TRIM31: variants seen among roughly 807,000 people sequenced by gnomAD.
The protein encoded by TRIM31 is E3 ubiquitin-protein ligase TRIM31.
In TRIM31, 31 loss-of-function variants were observed where a neutral mutation model predicts 40.6. The ratio of observed to expected loss-of-function variants is 0.76; its 90% CI spans 0.57 to 1.03. The LOEUF (loss-of-function observed/expected upper bound fraction) is 1.03, where lower values mean the gene tolerates loss of function less well. Ranked by LOEUF, TRIM31 falls within the 50% of genes least tolerant of loss-of-function variation. The probability of loss-of-function intolerance (pLI) is 0.00; values close to 1 mark genes in which losing one functional copy is unlikely to be tolerated. For missense variants in TRIM31, 455 were observed against 497.5 expected (o/e 0.91, Z 0.81); for synonymous variants, 164 against 193.9 (o/e 0.85, Z 1.28).
rs954852838 is a variant in TRIM31 at position 30,103,430 on chromosome 6, A to G, written c.*106T>C. On this transcript the variant is annotated 3_prime_UTR_variant, in exon 9 of 9. Transcript: ENST00000376734. ...TCCCATTCTCCACTCCTTCGACCCA[A>G]TTCCACTAAGTCAAGAACCGTGGTC... The G allele has an allele frequency of 1.1e-5, 17 of 1,529,156 alleles. No homozygotes were observed. Among genetic ancestry groups the G allele is most frequent in the Admixed American group, 5.5e-5 (3 of 54,608 alleles). 94.7% of individuals were successfully genotyped at this position (1,529,156 alleles called of 1,614,324 possible).
intron 7 of TRIM31, 120 bp from the exon 8 acceptor site, chr6:30,104,287 T>C (rs542569429): frequency 2.1e-6 from 2 of 933,802 alleles, no homozygotes; most frequent in South Asian, 2.9e-5. Flanking sequence ...GTGGGACCCA[T>C]TCCCCACCCA....
In TRIM31 at chr6:30,111,781, A is replaced by T. The variant is rs758394366; in HGVS notation, c.418-38T>A. ...GGCCGTTTGGACAGGCTGTGCCTGG[A>T]GATTTCTGGCCTCATAAAATCCTCC... On this transcript the variant is annotated intron_variant, in intron 2 of 8. Coordinates refer to ENST00000376734, the MANE Select transcript of TRIM31 (RefSeq NM_007028.5). The T allele has an allele frequency of 3.1e-6, 5 of 1,602,400 alleles. No individual in the cohort carries two copies. The South Asian group carries it at 5.5e-5, about 18-fold the overall frequency.
rs749818823 is a variant in TRIM31, at chr6:30,110,432, C to A, written c.744+16G>T. The A allele has an allele frequency of 4.3e-6, 7 of 1,612,258 alleles. No homozygotes were observed. The African/African-American group carries it at 8.0e-5, about 18-fold the overall frequency. Reference sequence around the variant, plus strand: ...GGGCTGCTACCTCTCTGCAATTCTGCCCCCAAGGGACTCACCTCCAGCAGC... The same window carrying A: ...GGGCTGCTACCTCTCTGCAATTCTGACCCCAAGGGACTCACCTCCAGCAGC... On this transcript the variant is annotated intron_variant, in intron 4 of 8. Transcript: ENST00000376734.
chr6:30,109,068 A>G lies in TRIM31; in HGVS notation c.745-20T>C. On this transcript the variant is annotated intron_variant, in intron 4 of 8. Coordinates refer to ENST00000376734, the MANE Select transcript of TRIM31 (RefSeq NM_007028.5). ...GATATCCTAGAAGAGAAAGAGAAAC[A>G]GCACAGCCTCAGCACTTGGCTGATT... 6.2e-7 allele frequency: 1 copy of G among 1,612,954 alleles called. No homozygotes were observed. Among genetic ancestry groups the G allele is most frequent in the African/African-American group, 1.3e-5 (1 of 75,048 alleles).
Position 30,110,658 on chromosome 6 carries a change from C to T in TRIM31, c.534G>A (p.Lys178=), listed in dbSNP as rs1256667373. ...GTTCAAATTCTGTGAGGATCCTTTG[C>T]TTCTCATGTTCTACCTGGTCCTAAG... ...DVFTDQVEHE[K]QRILTEFELL... The change falls in exon 4 of 9, where the codon AAG becomes AAA. Residue 178 remains lysine (K), a synonymous_variant. Coordinates refer to ENST00000376734, the MANE Select transcript of TRIM31 (RefSeq NM_007028.5). The T allele has an allele frequency of 6.2e-7, 1 of 1,614,228 alleles. No individual in the cohort carries two copies. The highest frequency in any genetic ancestry group is 8.5e-7 in the Non-Finnish European group (1 of 1,180,026).
Position 30,103,412 on chromosome 6 carries a change from C to T in TRIM31, c.*124G>A. Reference sequence around the variant, plus strand: ...TCTCAGTAGCCCGAGCCCTCCCATTCTCCACTCCTTCGACCCAATTCCACT... The same window carrying T: ...TCTCAGTAGCCCGAGCCCTCCCATTTTCCACTCCTTCGACCCAATTCCACT... On this transcript the variant is annotated 3_prime_UTR_variant, in exon 9 of 9. Coordinates refer to ENST00000376734, the MANE Select transcript of TRIM31 (RefSeq NM_007028.5). The T allele has an allele frequency of 7.4e-7, 1 of 1,353,870 alleles. No homozygotes were observed. The highest frequency in any genetic ancestry group is 1.0e-6 in the Non-Finnish European group (1 of 987,280). 83.9% of individuals were successfully genotyped at this position (1,353,870 alleles called of 1,614,324 possible). A position where few individuals can be genotyped will look rare whatever the true frequency, so the allele number is the denominator to read the frequency against.
Position 30,103,663 on chromosome 6 carries a change from GA to G in TRIM31, c.1150del (p.Ser384LeufsTer25), listed in dbSNP as rs770237888. ...VCLLASYDEI[S>X]GQGASSQDTK... is the part of the protein sequence containing the mutation. ...ATCCTGAGAGCTCGCTCCTTGACCA[GA>G]AATCTCATCATAAGAGGCCAGGAGA... On this transcript the variant is annotated frameshift_variant, in exon 9 of 9. Coordinates refer to ENST00000376734, the MANE Select transcript of TRIM31 (RefSeq NM_007028.5). LOFTEE classifies it low-confidence loss of function (END_TRUNC). 5 of 1,612,900 alleles carry G rather than the reference GA, an allele frequency of 3.1e-6. No homozygotes were observed. The African/African-American group carries it at 6.7e-5, about 22-fold the overall frequency.
At chr6:30,110,714 G>A (rs1194433063) in intron 3 of TRIM31, 36 bp from the exon 4 acceptor site, 1 of 1,592,852 alleles carries the variant, frequency 6.3e-7, no homozygotes, top group South Asian at 1.1e-5. Context: ...TGAGAGGATG[G>A]CCTCGAAGGT....
rs778601370 is a variant in TRIM31, at chr6:30,112,623, C to A, written c.183G>T (p.Arg61Ser). 6.2e-7 allele frequency: 1 copy of A among 1,613,102 alleles called. No individual in the cohort carries two copies. The highest frequency in any genetic ancestry group is 8.5e-7 in the Non-Finnish European group (1 of 1,180,050). The change falls in exon 2 of 9, where the codon AGG (arginine) becomes AGT (serine). Residue 61 changes from arginine to serine, a missense_variant. Transcript: ENST00000376734. ...FKCPLCKTSVRKNAIRFNSLL... is the reference protein window; with the variant it reads ...FKCPLCKTSVSKNAIRFNSLL... Reference sequence around the variant, plus strand: ...GCGAGTTGAACCTGATTGCGTTCTTCCTTACGGAAGTTTTGCAGAGGGGAC... The same window carrying A: ...GCGAGTTGAACCTGATTGCGTTCTTACTTACGGAAGTTTTGCAGAGGGGAC...
chr6:30,112,619 T>A lies in TRIM31; in HGVS notation c.187A>T (p.Asn63Tyr). The A allele has an allele frequency of 6.2e-7, 1 of 1,613,138 alleles. No individual in the cohort carries two copies. Among genetic ancestry groups the A allele is most frequent in the Non-Finnish European group, 8.5e-7 (1 of 1,180,046 alleles). ...AACAGCGAGTTGAACCTGATTGCGT[T>A]CTTCCTTACGGAAGTTTTGCAGAGG... Reference protein sequence around the residue: ...CPLCKTSVRKNAIRFNSLLRN... With the variant: ...CPLCKTSVRKYAIRFNSLLRN... Residue 63 changes from asparagine to tyrosine, a missense_variant, in exon 2 of 9, where the codon AAC becomes TAC. By Grantham distance (143) the Asn-to-Tyr change is moderately radical. Coordinates refer to ENST00000376734, the MANE Select transcript of TRIM31 (RefSeq NM_007028.5).
At chr6:30,108,259 A>C (rs2127386904) in intron 5 of TRIM31, 91 bp from the exon 6 acceptor site, 4 of 898,658 alleles carry the variant, frequency 4.5e-6, no homozygotes, top group South Asian at 2.8e-5. Context: ...AAATGAGGGG[A>C]TGAAGACCTG....
chr6:30,104,215 T>G, intron 7 of TRIM31, 48 bp from the exon 8 acceptor site: 1 of 1,596,926 alleles, frequency 6.3e-7, no homozygotes, highest in Non-Finnish European at 8.6e-7. Flanking sequence ...AACCAGAAGC[T>G]GCAAATTAAA....
chr6:30,105,323 A>T lies in TRIM31; in HGVS notation c.884-81T>A, dbSNP rs569982476. The T allele has an allele frequency of 4.7e-6, 5 of 1,055,342 alleles. No homozygotes were observed. The South Asian group carries it at 6.9e-5, about 15-fold the overall frequency. 65.4% of individuals were successfully genotyped at this position (1,055,342 alleles called of 1,614,324 possible). A position where few individuals can be genotyped will look rare whatever the true frequency, so the allele number is the denominator to read the frequency against. ...ACTCACTATCACACAGCAAGGCACT[A>T]ATTTGAAATGCCTGGGAGAAGTAGA... On this transcript the variant is annotated intron_variant, in intron 6 of 8. Coordinates refer to ENST00000376734, the MANE Select transcript of TRIM31 (RefSeq NM_007028.5).
chr6:30,104,055 A>T, intron 8 of TRIM31, 47 bp downstream of exon 8: 4 of 1,582,966 alleles, frequency 2.5e-6, no homozygotes, highest in South Asian at 2.3e-5. Flanking sequence ...CATTTTGACC[A>T]CCTGTAGACT....
At chr6:30,108,352 A>T (rs1768937547) in intron 5 of TRIM31, among the ~76,000 whole-genome samples, 184 bp from the exon 6 acceptor site, 1 of 152,094 alleles carries the variant, frequency 6.6e-6, no homozygotes. Flanking sequence ...TGAGGTCAGG[A>T]GTTCAAGACT....
At chr6:30,110,922 C>T (rs1218924612) in intron 3 of TRIM31, among the ~76,000 whole-genome samples, 3 of 152,074 alleles carry the variant, frequency 2.0e-5, no homozygotes, top group Admixed American at 2.0e-4. Context: ...CTGTCTAATA[C>T]AATTCCAGAA....
chr6:30,103,396 C>T lies in TRIM31; in HGVS notation c.*140G>A. 2 of 1,275,154 alleles carry T rather than the reference C, an allele frequency of 1.6e-6. No homozygotes were observed. Among genetic ancestry groups the T allele is most frequent in the South Asian group, 1.4e-5 (1 of 71,790 alleles). The allele number at this position is 1,275,154 out of a possible 1,614,324, so 79.0% of individuals were successfully genotyped here. A position where few individuals can be genotyped will look rare whatever the true frequency, so the allele number is the denominator to read the frequency against. ...CCGCCCCCATCTCCACTCTCAGTAG[C>T]CCGAGCCCTCCCATTCTCCACTCCT... is the stretch of plus-strand genomic sequence containing the variant. On this transcript the variant is annotated 3_prime_UTR_variant, in exon 9 of 9. Transcript: ENST00000376734.
rs2127394607 is a variant in TRIM31, at chr6:30,112,419, G to A, written c.387C>T (p.Ser129=). Reference sequence around the variant, plus strand: ...AATTCTGGGCAGCTTCTTCGATCAAGCTGACATTATGGGATTTGTGGTCCT... The same window carrying A: ...AATTCTGGGCAGCTTCTTCGATCAAACTGACATTATGGGATTTGTGGTCCT... The part of the protein sequence containing the change: ...ESKDHKSHNV[S]LIEEAAQNYQ... The change falls in exon 2 of 9, where the codon AGC becomes AGT. Residue 129 remains serine (S), a synonymous_variant. Coordinates refer to ENST00000376734, the MANE Select transcript of TRIM31 (RefSeq NM_007028.5). 6.2e-7 allele frequency: 1 copy of A among 1,612,720 alleles called. No individual in the cohort carries two copies.
rs760813066 is a variant in TRIM31 at position 30,104,123 on chromosome 6, C to G, written c.1003G>C (p.Glu335Gln). The G allele has an allele frequency of 6.2e-7, 1 of 1,612,928 alleles. No individual in the cohort carries two copies. ...KNNHKMNKTS[E>Q]PGSSSAGGRT... ...TTACCTGCAGAAGATGACCCGGGCT[C>G]TGAGGTTTTGTTCATTTTATGATTA... The change falls in exon 8 of 9, where the codon GAG (glutamate) becomes CAG (glutamine). Residue 335 changes from glutamate to glutamine, a missense_variant. By Grantham distance (29) the Glu-to-Gln change is conservative. Coordinates refer to ENST00000376734, the MANE Select transcript of TRIM31 (RefSeq NM_007028.5).
Sources: gnomAD v4.1 joint callset for allele counts (sites outside exome capture counted in the v4.1 genomes callset) on GRCh38, gnomAD v4.1.1 for gene constraint, MANE v1.5 for transcripts, NCBI Gene and HGNC (gene_info 2026-07-23, HGNC 2026-07-21) for gene names.